The following ZNF385D variants were observed in gnomAD, a reference collection of about 807,000 sequenced individuals.
ZNF385D encodes zinc finger protein 659.
In ZNF385D, 15 loss-of-function variants were observed where a neutral mutation model predicts 35.8. The observed-to-expected ratio is 0.42, with a 90% confidence interval of 0.28 to 0.64. The LOEUF (loss-of-function observed/expected upper bound fraction) is 0.64, where lower values mean the gene tolerates loss of function less well. Ranked by LOEUF, ZNF385D falls within the 30% of genes least tolerant of loss-of-function variation. The pLI is 0.23. For missense variants in ZNF385D, 474 were observed against 494.6 expected (o/e 0.96, Z 0.39); for synonymous variants, 212 against 186.8 (o/e 1.13, Z -1.10).
At chr3:21,701,045 A>G (rs2067663145) in intron 1 of ZNF385D, among the ~76,000 whole-genome samples, 1 of 152,208 alleles carries the variant, frequency 6.6e-6, no homozygotes, top group Admixed American at 6.5e-5. Context: ...TTGGGAGCCA[A>G]TAAACAATCT....
rs568289464 is a variant in ZNF385D, at chr3:21,932,647, G to A, written c.325+236170C>T. Among the ~76,000 whole-genome samples, 123 of 151,812 alleles carry A rather than the reference G, an allele frequency of 8.1e-4. 2 individuals are homozygous for A. The South Asian group carries it at 0.012, about 15-fold the overall frequency. On this transcript the variant is annotated intron_variant, in intron 3 of 5. Transcript: ENST00000494108. ...ATTATTTTCTTCTTAAGAAAGTTAAGGAGGTTAAAAAAACCCCACATGCTG... is the reference window on the plus strand; with the variant it reads ...ATTATTTTCTTCTTAAGAAAGTTAAAGAGGTTAAAAAAACCCCACATGCTG...
chr3:21,976,301 A>G (rs1703620345), intron 3 of ZNF385D, among the ~76,000 whole-genome samples: 1 of 152,180 alleles, frequency 6.6e-6, no homozygotes, highest in South Asian at 2.1e-4. Flanking sequence ...ACAGAAACAT[A>G]TCTACATGTG....
chr3:21,547,506 G>C (rs2062418079), intron 3 of ZNF385D, among the ~76,000 whole-genome samples: 1 of 152,056 alleles, frequency 6.6e-6, no homozygotes, highest in Non-Finnish European at 1.5e-5. Context: ...TAGGCCTCTA[G>C]GGAAGCTCTG....
intron 3 of ZNF385D, among the ~76,000 whole-genome samples, chr3:21,948,108 C>G (rs1701885919): frequency 6.6e-6 from 1 of 151,996 alleles, no homozygotes; most frequent in Non-Finnish European, 1.5e-5. Context: ...CTGTCAATAT[C>G]ACACTAATAT....
intron 2 of ZNF385D, among the ~76,000 whole-genome samples, chr3:22,282,223 G>C (rs1336237561): frequency 6.6e-6 from 1 of 151,658 alleles, no homozygotes; most frequent in African/African-American, 2.4e-5. Context: ...CTGTTGTACT[G>C]TTTTAATTTC....
At chr3:22,306,312 A>G (rs140295973) in intron 2 of ZNF385D, among the ~76,000 whole-genome samples, 390 of 151,678 alleles carry the variant, frequency 2.6e-3, no homozygotes, top group Non-Finnish European at 4.7e-3. Flanking sequence ...AATAGGGTAA[A>G]CCTTTCTCTG....
chr3:22,064,306 A>G (rs1469734892), intron 3 of ZNF385D, among the ~76,000 whole-genome samples: 1 of 152,186 alleles, frequency 6.6e-6, no homozygotes, highest in African/African-American at 2.4e-5. Flanking sequence ...ATTTAATTAG[A>G]AGAGCACAGA....
At chr3:22,204,538 G>A (rs985926089) in intron 2 of ZNF385D, among the ~76,000 whole-genome samples, 1 of 152,038 alleles carries the variant, frequency 6.6e-6, no homozygotes, top group Admixed American at 6.6e-5. Context: ...ACCAATCCCA[G>A]AGAGACAGAA....
At chr3:21,701,964 G>A (rs1456749477) in intron 1 of ZNF385D, among the ~76,000 whole-genome samples, 1 of 152,158 alleles carries the variant, frequency 6.6e-6, no homozygotes, top group Non-Finnish European at 1.5e-5. Flanking sequence ...TCATGGGCTG[G>A]CATTGAGTGT....
chr3:22,207,010 T>C (rs1414465712), intron 2 of ZNF385D, among the ~76,000 whole-genome samples: 3 of 151,720 alleles, frequency 2.0e-5, no homozygotes, highest in Non-Finnish European at 4.4e-5. Context: ...ATCTTAGCCA[T>C]ATTAACTAAA....
chr3:21,923,012 G>A (rs1326595864), intron 3 of ZNF385D, among the ~76,000 whole-genome samples: 1 of 150,052 alleles, frequency 6.7e-6, no homozygotes, highest in East Asian at 2.0e-4. Context: ...CATACAAGTG[G>A]CCAACAAACA....
intron 3 of ZNF385D, among the ~76,000 whole-genome samples, chr3:21,971,951 T>C (rs1703286925): frequency 6.6e-6 from 1 of 152,022 alleles, no homozygotes. Context: ...GACACCCAGA[T>C]ATATAAAGCA....
chr3:22,247,559 T>C (rs1294680503), intron 2 of ZNF385D, among the ~76,000 whole-genome samples: 1 of 152,022 alleles, frequency 6.6e-6, no homozygotes, highest in African/African-American at 2.4e-5. Context: ...TAAAGAGTCT[T>C]TGATTTGTTT....
intron 3 of ZNF385D, among the ~76,000 whole-genome samples, chr3:21,537,119 A>G (rs2062052530): frequency 7.0e-6 from 1 of 142,156 alleles, no homozygotes; most frequent in African/African-American, 2.6e-5. Flanking sequence ...TGAACAAAAT[A>G]TCAACTTTTT....
chr3:21,861,840 A>G (rs1406445522), intron 3 of ZNF385D, among the ~76,000 whole-genome samples: 1 of 152,084 alleles, frequency 6.6e-6, no homozygotes. Flanking sequence ...GCCAATGAGT[A>G]CCTAGCATTC....
At chr3:22,167,766 C>T (rs1044060238) in intron 3 of ZNF385D, among the ~76,000 whole-genome samples, 1 of 152,170 alleles carries the variant, frequency 6.6e-6, no homozygotes, top group Non-Finnish European at 1.5e-5. Flanking sequence ...TTTAATAGTT[C>T]TCAATTACTT....
At chr3:21,683,700 G>C (rs1455781608) in intron 1 of ZNF385D, among the ~76,000 whole-genome samples, 1 of 150,124 alleles carries the variant, frequency 6.7e-6, no homozygotes, top group African/African-American at 2.5e-5. Context: ...GCTGGTTGCA[G>C]AAGCAACAGA....
At chr3:21,446,686 G>A (rs1394246470) in intron 4 of ZNF385D, among the ~76,000 whole-genome samples, 1 of 151,664 alleles carries the variant, frequency 6.6e-6, no homozygotes, top group Non-Finnish European at 1.5e-5. Context: ...TAGAGATGGG[G>A]TTTCACCATG....
intron 4 of ZNF385D, among the ~76,000 whole-genome samples, chr3:21,444,795 G>C (rs1297333797): frequency 7.3e-6 from 1 of 137,496 alleles, no homozygotes; most frequent in Non-Finnish European, 1.5e-5. Flanking sequence ...TATTTTGTAG[G>C]ATAATTTATC....
Sources: allele counts gnomAD v4.1 joint callset (sites outside exome capture counted in the v4.1 genomes callset), GRCh38; gene constraint gnomAD v4.1.1; transcripts MANE v1.5; gene names NCBI Gene and HGNC (gene_info 2026-07-23, HGNC 2026-07-21).